Variants in KCNC2 observed in about 807,000 individuals in gnomAD.
KCNC2 encodes potassium voltage-gated channel subfamily C member 2.
KCNC2 carries 21 observed loss-of-function variants against 44.5 expected under a neutral mutation model. The observed-to-expected ratio is 0.47, with a 90% CI of 0.33 to 0.68. The LOEUF (loss-of-function observed/expected upper bound fraction) is 0.68. Ranked by LOEUF, KCNC2 falls within the 30% of genes least tolerant of loss-of-function variation. The pLI is 0.01. For synonymous variants in KCNC2, 391 were observed against 339.1 expected (o/e 1.15, Z -1.68); for missense variants, 589 against 826.2 (o/e 0.71, Z 3.52).
chr12:75,093,612 T>C (rs1447508240), intron 2 of KCNC2, among the ~76,000 whole-genome samples: 1 of 151,646 alleles, frequency 6.6e-6, no homozygotes, highest in Non-Finnish European at 1.5e-5. Flanking sequence ...TTAAAGGATT[T>C]ATGAAGTGGT....
intron 2 of KCNC2, among the ~76,000 whole-genome samples, chr12:75,067,175 C>A (rs1204373844): frequency 2.6e-5 from 4 of 152,052 alleles, no homozygotes; most frequent in Non-Finnish European, 4.4e-5. Context: ...GCATTCCAGT[C>A]TGGGTGACAG....
chr12:75,057,781 C>G (rs1592773717), intron 2 of KCNC2, among the ~76,000 whole-genome samples: 1 of 151,576 alleles, frequency 6.6e-6, no homozygotes, highest in East Asian at 1.9e-4. Context: ...AACAATATAA[C>G]ATTCACTTCT....
At chr12:75,055,735 T>C (rs1282173478) in intron 2 of KCNC2, among the ~76,000 whole-genome samples, 1 of 152,028 alleles carries the variant, frequency 6.6e-6, no homozygotes, top group Non-Finnish European at 1.5e-5. Context: ...AGGACTCTTA[T>C]TTTTTTCCAA....
At chr12:75,093,767 G>A (rs988222799) in intron 2 of KCNC2, among the ~76,000 whole-genome samples, 1 of 151,408 alleles carries the variant, frequency 6.6e-6, no homozygotes, top group African/African-American at 2.4e-5. Flanking sequence ...AAGATTCAAG[G>A]TTTTCAAAAA....
chr12:75,185,013 A>G (rs142370501), intron 2 of KCNC2, among the ~76,000 whole-genome samples: 1 of 152,350 alleles, frequency 6.6e-6, no homozygotes, highest in Non-Finnish European at 1.5e-5. Flanking sequence ...AAGGGAGCAG[A>G]AGCATAAAGC....
In KCNC2 at chr12:75,112,518, T is replaced by G. The variant is rs150302848; in HGVS notation, c.688-61201A>C. Among the ~76,000 whole-genome samples the G allele has an allele frequency of 2.0e-3, 298 of 152,160 alleles. 1 individual carries two copies. The highest frequency in any genetic ancestry group is 7.0e-3 in the African/African-American group (291 of 41,556). Reference sequence around the variant, plus strand: ...ATCTTATCTAAAAAATTATACTGCGTCCCTATTCTCTCCATTTACTTCTTT... The same window carrying G: ...ATCTTATCTAAAAAATTATACTGCGGCCCTATTCTCTCCATTTACTTCTTT... On this transcript the variant is annotated intron_variant, in intron 2 of 4. Transcript: ENST00000549446.
chr12:75,172,617 C>G (rs1352352390), intron 2 of KCNC2, among the ~76,000 whole-genome samples: 1 of 151,866 alleles, frequency 6.6e-6, no homozygotes, highest in African/African-American at 2.4e-5. Context: ...GTCAATTCAT[C>G]AAGGATCATC....
chr12:75,055,558 C>T (rs1881651462), intron 2 of KCNC2, among the ~76,000 whole-genome samples: 1 of 152,024 alleles, frequency 6.6e-6, no homozygotes, highest in South Asian at 2.1e-4. Context: ...TGTTAGAAAG[C>T]TCTCCAGACA....
chr12:75,121,863 G>A (rs1158706449), intron 2 of KCNC2, among the ~76,000 whole-genome samples: 1 of 152,102 alleles, frequency 6.6e-6, no homozygotes, highest in South Asian at 2.1e-4. Flanking sequence ...AAAGAAAAGT[G>A]AGGCCCTTTT....
intron 2 of KCNC2, among the ~76,000 whole-genome samples, chr12:75,056,592 T>C (rs139104657): frequency 6.6e-5 from 10 of 152,106 alleles, no homozygotes; most frequent in African/African-American, 1.9e-4. Context: ...ATTACAAGAA[T>C]TTTAAATGTT....
chr12:75,191,838 C>A (rs942144996), intron 2 of KCNC2, among the ~76,000 whole-genome samples: 2 of 151,912 alleles, frequency 1.3e-5, no homozygotes, highest in African/African-American at 4.8e-5. Flanking sequence ...CGTGAGCCAC[C>A]GCGCCCGGCC....
chr12:75,138,374 A>T (rs1217064168), intron 2 of KCNC2, among the ~76,000 whole-genome samples: 1 of 152,224 alleles, frequency 6.6e-6, no homozygotes, highest in East Asian at 1.9e-4. Context: ...GGAGAAAAAG[A>T]ATGCAAGTAG....
chr12:75,133,073 C>G (rs1488540109), intron 2 of KCNC2, among the ~76,000 whole-genome samples: 1 of 151,944 alleles, frequency 6.6e-6, no homozygotes, highest in East Asian at 1.9e-4. Flanking sequence ...TAGACTTTAT[C>G]AACTCTATTA....
chr12:75,129,253 C>T (rs1039257134), intron 2 of KCNC2, among the ~76,000 whole-genome samples: 6 of 152,138 alleles, frequency 3.9e-5, no homozygotes, highest in Non-Finnish European at 5.9e-5. Flanking sequence ...GCCAGGGAGC[C>T]GGGGTGCCAT....
intron 2 of KCNC2, among the ~76,000 whole-genome samples, chr12:75,176,122 G>C (rs1892165448): frequency 6.6e-6 from 1 of 152,160 alleles, no homozygotes; most frequent in Non-Finnish European, 1.5e-5. Context: ...AATGTTCAAA[G>C]ATCAGGAAGT....
At chr12:75,145,359 A>G (rs957674170) in intron 2 of KCNC2, among the ~76,000 whole-genome samples, 1 of 152,130 alleles carries the variant, frequency 6.6e-6, no homozygotes, top group African/African-American at 2.4e-5. Context: ...CTAACACTCT[A>G]TGAATAAATA....
Position 75,041,332 on chromosome 12 carries a change from A to G in KCNC2, c.*1773T>C. On this transcript the variant is annotated 3_prime_UTR_variant, in exon 5 of 5. Coordinates refer to ENST00000549446, the MANE Select transcript of KCNC2 (RefSeq NM_139137.4). ...CTGTGTCTCTAAATATCATATATGT[A>G]TGTCTGGATAAATACATTGCTGTAC... is the stretch of plus-strand genomic sequence containing the variant. 1 of 1,484,272 alleles carries G rather than the reference A, an allele frequency of 6.7e-7. No individual in the cohort carries two copies. Among genetic ancestry groups the G allele is most frequent in the East Asian group, 2.5e-5 (1 of 40,192 alleles). 91.9% of individuals were successfully genotyped at this position (1,484,272 alleles called of 1,614,324 possible). A position where few individuals can be genotyped will look rare whatever the true frequency, so the allele number is the denominator to read the frequency against.
chr12:75,112,035 T>G (rs1592896860), intron 2 of KCNC2, among the ~76,000 whole-genome samples: 1 of 151,994 alleles, frequency 6.6e-6, no homozygotes, highest in Non-Finnish European at 1.5e-5. Flanking sequence ...TTATACTAGA[T>G]TTTGTATCTG....
chr12:75,107,915 T>C (rs1187198472), intron 2 of KCNC2, among the ~76,000 whole-genome samples: 1 of 152,136 alleles, frequency 6.6e-6, no homozygotes, highest in Non-Finnish European at 1.5e-5. Flanking sequence ...TCTAATTTAC[T>C]TTCAAATTCT....
Sources: gnomAD v4.1 joint callset for allele counts (sites outside exome capture counted in the v4.1 genomes callset) on GRCh38, gnomAD v4.1.1 for gene constraint, MANE v1.5 for transcripts, NCBI Gene and HGNC (gene_info 2026-07-23, HGNC 2026-07-21) for gene names.